The following NOS1 variants were observed in gnomAD, a reference collection of about 807,000 sequenced individuals.
NOS1 encodes the protein nitric oxide synthase 1.
In NOS1, 51 loss-of-function variants were observed where a neutral mutation model predicts 164.5. The observed-to-expected ratio is 0.31, with a 90% CI of 0.25 to 0.39. The LOEUF is 0.39. NOS1 is among the 10% of genes least tolerant of loss of function. The pLI is 1.00. For synonymous variants in NOS1, 719 were observed against 745.8 expected, an observed-to-expected ratio of 0.96 and a Z score of 0.59; for missense variants, 1,362 against 1,885.6, an observed-to-expected ratio of 0.72 and a Z score of 5.14.
chr12:117,216,439 C>T (rs1314120402), intron 28 of NOS1, among the ~76,000 whole-genome samples: 1 of 151,696 alleles, frequency 6.6e-6, no homozygotes, highest in Non-Finnish European at 1.5e-5. Flanking sequence ...GCCTCAGCCT[C>T]CCGAAGTGCT....
Position 117,330,970 on chromosome 12 carries a change from C to T in NOS1, c.100G>A (p.Glu34Lys), listed in dbSNP as rs751721832. Residue 34 changes from glutamate to lysine, a missense_variant, in exon 2 of 29, where the codon GAG becomes AAG. Coordinates refer to ENST00000317775, the MANE Select transcript of NOS1 (RefSeq NM_000620.5). This position sits in a 1 kb window ranked among gnomAD's most constrained non-coding sequence, Gnocchi z 4.6. ...ATCACGGGCGGCTTACTGACCCGCT[C>T]CTTCACCAGAAATCCCAGGCCCCCA... ...KVGGLGFLVK[E>K]RVSKPPVIIS... The T allele has an allele frequency of 6.2e-7, 1 of 1,614,174 alleles. No individual in the cohort carries two copies. The highest frequency in any genetic ancestry group is 8.5e-7 in the Non-Finnish European group (1 of 1,180,036).
At chr12:117,290,948 C>T (rs1344331177) in intron 3 of NOS1, among the ~76,000 whole-genome samples, 1 of 152,142 alleles carries the variant, frequency 6.6e-6, no homozygotes, top group African/African-American at 2.4e-5. Flanking sequence ...CACAGTGGCT[C>T]ACACCTGTAA....
In NOS1 at chr12:117,263,943, C is replaced by A. The variant is rs763519078; in HGVS notation, c.2168G>T (p.Gly723Val). 24 of 1,613,750 alleles carry A rather than the reference C, an allele frequency of 1.5e-5. No individual in the cohort carries two copies. Among genetic ancestry groups the A allele is most frequent in the African/African-American group, 2.7e-5 (2 of 74,848 alleles). Residue 723 changes from glycine to valine, a missense_variant, in exon 13 of 29, where the codon GGC (glycine) becomes GTC (valine). Gly to Val is a moderately radical substitution (Grantham distance 109). Transcript: ENST00000317775. ...CCGCTTTGTGGGGGTCCCGTTGGTG[C>A]CTTTCCAGACATGCGTGTTCCAGGG... ...PDPWNTHVWK[G>V]TNGTPTKRRA...
intron 1 of NOS1, among the ~76,000 whole-genome samples, chr12:117,351,791 G>C (rs1261046178): frequency 6.6e-6 from 1 of 152,198 alleles, no homozygotes; most frequent in Non-Finnish European, 1.5e-5. Context: ...ACTTGCCAAG[G>C]TTACAGAGTG....
At chr12:117,297,157 G>A (rs1873470444) in intron 3 of NOS1, among the ~76,000 whole-genome samples, 1 of 152,190 alleles carries the variant, frequency 6.6e-6, no homozygotes, top group Non-Finnish European at 1.5e-5. Context: ...CTGGATTTTA[G>A]GAAAGACATG....
chr12:117,308,879 G>T (rs1246883433), intron 3 of NOS1, among the ~76,000 whole-genome samples: 2 of 152,184 alleles, frequency 1.3e-5, no homozygotes, highest in Non-Finnish European at 2.9e-5. Context: ...ACAGGTGTGA[G>T]CCACCGTGCC....
chr12:117,290,856 C>T (rs1228507325), intron 3 of NOS1, among the ~76,000 whole-genome samples: 2 of 152,104 alleles, frequency 1.3e-5, no homozygotes, highest in Admixed American at 1.3e-4. Context: ...ATTTCTAGGC[C>T]TTTCTGTGAC....
At chr12:117,360,549 G>T (rs773377349) in intron 1 of NOS1, among the ~76,000 whole-genome samples, 1 of 152,264 alleles carries the variant, frequency 6.6e-6, no homozygotes, top group Non-Finnish European at 1.5e-5. Flanking sequence ...CGCCCAGACG[G>T]AAGAAGTGAG....
Position 117,314,982 on chromosome 12 carries a change from A to G in NOS1, c.726-3390T>C, listed in dbSNP as rs1278670710. ...AGCAAGTAACCCAACATCTCCTGCT[A>G]AGTGCAGCCAATTTACAAAAATTAT... On this transcript the variant is annotated intron_variant, in intron 2 of 28. Transcript: ENST00000317775. Among the ~76,000 whole-genome samples the G allele has an allele frequency of 9.2e-5, 14 of 152,318 alleles. No homozygotes were observed. In the East Asian group the frequency reaches 2.7e-3, roughly 29 times the overall value.
chr12:117,276,092 G>A (rs956907842), intron 9 of NOS1, among the ~76,000 whole-genome samples: 3 of 152,056 alleles, frequency 2.0e-5, no homozygotes, highest in Non-Finnish European at 4.4e-5. Flanking sequence ...TGGGGTACAT[G>A]AAATGTTTTG....
intron 26 of NOS1, 143 bp downstream of exon 26, chr12:117,222,572 A>T: frequency 1.3e-6 from 1 of 757,032 alleles, no homozygotes; most frequent in Non-Finnish European, 2.2e-6. Context: ...TATTTTCCCT[A>T]CCCATGCTTT....
chr12:117,301,702 T>C (rs1873824376), intron 3 of NOS1, among the ~76,000 whole-genome samples: 1 of 152,140 alleles, frequency 6.6e-6, no homozygotes, highest in African/African-American at 2.4e-5. Context: ...CCAGGAGGCA[T>C]AAATCACATC....
At chr12:117,281,819 A>G (rs963557273) in intron 7 of NOS1, among the ~76,000 whole-genome samples, 25 of 131,850 alleles carry the variant, frequency 1.9e-4, no homozygotes, top group African/African-American at 7.4e-4. Context: ...ACAGAGCAAG[A>G]CTCCCATCTC....
intron 1 of NOS1, among the ~76,000 whole-genome samples, chr12:117,359,793 C>T (rs1161981343): frequency 6.7e-6 from 1 of 148,374 alleles, no homozygotes; most frequent in South Asian, 2.2e-4. Flanking sequence ...GTGGGGTAGA[C>T]CCCCCGGTTC....
At chr12:117,247,994 GCTCT>G (rs1340457829) in intron 17 of NOS1, among the ~76,000 whole-genome samples, 1 of 149,598 alleles carries the variant, frequency 6.7e-6, no homozygotes, top group East Asian at 2.0e-4. Flanking sequence ...ACACCAGAGT[GCTCT>G]CTCTCTCTCC....
At chr12:117,271,565 C>T (rs926189348) in intron 10 of NOS1, among the ~76,000 whole-genome samples, 4 of 152,170 alleles carry the variant, frequency 2.6e-5, no homozygotes, top group East Asian at 1.9e-4. Context: ...TGAGCCACCG[C>T]GCCCAGCCAA....
chr12:117,245,201 C>G (rs970649908), intron 18 of NOS1, among the ~76,000 whole-genome samples: 2 of 152,150 alleles, frequency 1.3e-5, no homozygotes, highest in Non-Finnish European at 1.5e-5. Flanking sequence ...TTGCATAGTA[C>G]CCTTTCCCCT....
At chr12:117,311,928 G>A (rs1874453346) in intron 2 of NOS1, among the ~76,000 whole-genome samples, 1 of 152,106 alleles carries the variant, frequency 6.6e-6, no homozygotes, top group Non-Finnish European at 1.5e-5. Context: ...GGGAACACAG[G>A]AGGCCTGTTT....
intron 5 of NOS1, among the ~76,000 whole-genome samples, 183 bp from the exon 6 acceptor site, chr12:117,286,449 G>C (rs963985193): frequency 6.6e-6 from 1 of 152,150 alleles, no homozygotes; most frequent in Non-Finnish European, 1.5e-5. Flanking sequence ...GGCCACAAAG[G>C]CTGAACATTG....
Sources: allele counts gnomAD v4.1 joint callset (sites outside exome capture counted in the v4.1 genomes callset), GRCh38; gene constraint gnomAD v4.1.1; non-coding constraint Gnocchi (gnomAD v3.1); transcripts MANE v1.5; gene names NCBI Gene and HGNC (gene_info 2026-07-23, HGNC 2026-07-21).